The following TICAM2 variants were observed in gnomAD, a reference collection of about 807,000 sequenced individuals.
TICAM2 encodes the protein TIR domain-containing adapter molecule 2.
TICAM2 carries 8 observed loss-of-function variants against 7.3 expected under a neutral mutation model. The observed-to-expected ratio is 1.10, with a 90% CI of 0.65 to 1.99. TICAM2 has a LOEUF of 1.99. Among genes scored for constraint, TICAM2 ranks in the 30% most tolerant of loss-of-function variants. TICAM2 has a pLI of 0.00. For missense variants in TICAM2, 304 were observed against 278.8 expected (o/e 1.09, Z -0.65); for synonymous variants, 113 against 99.6 (o/e 1.13, Z -0.80).
At chr5:115,594,581 T>G (rs1755435238) in intron 1 of TICAM2, among the ~76,000 whole-genome samples, 1 of 152,206 alleles carries the variant, frequency 6.6e-6, no homozygotes, top group Non-Finnish European at 1.5e-5. Context: ...AATGGCAGCT[T>G]GACAAGGTGT....
chr5:115,580,669 C>T lies in TICAM2; in HGVS notation c.588G>A (p.Glu196=), dbSNP rs148838653. ...PFALQTINAL[E]EESRGFPTQV... ...GTGTAGGAAATCCACGACTTTCTTC[C>T]TCTAAGGCATTGATGGTTTGGAGGG... Residue 196 remains glutamate (E), a synonymous_variant, in exon 2 of 2, where the codon GAG becomes GAA. Coordinates refer to ENST00000427199, the MANE Select transcript of TICAM2 (RefSeq NM_021649.7). The T allele has an allele frequency of 2.8e-5, 45 of 1,586,690 alleles. No individual in the cohort carries two copies. The African/African-American group carries it at 5.9e-4, about 21-fold the overall frequency.
chr5:115,600,665 G>A (rs967598208), intron 1 of TICAM2, among the ~76,000 whole-genome samples: 8 of 152,306 alleles, frequency 5.3e-5, no homozygotes, highest in African/African-American at 1.7e-4. Flanking sequence ...TGAGAACTGT[G>A]CACAGACACT....
chr5:115,585,052 G>C (rs1176181564), intron 1 of TICAM2, among the ~76,000 whole-genome samples: 1 of 152,154 alleles, frequency 6.6e-6, no homozygotes, highest in Non-Finnish European at 1.5e-5. Context: ...GAATCAGACT[G>C]CCTGAGTGTA....
intron 1 of TICAM2, among the ~76,000 whole-genome samples, chr5:115,599,287 AG>A (rs1755627085): frequency 6.6e-6 from 1 of 151,798 alleles, no homozygotes; most frequent in South Asian, 2.1e-4. Flanking sequence ...TGGTGGGGGG[AG>A]GGGGGCAAAG....
intron 1 of TICAM2, among the ~76,000 whole-genome samples, chr5:115,594,046 T>A (rs1373034377): frequency 6.6e-6 from 1 of 152,240 alleles, no homozygotes; most frequent in Non-Finnish European, 1.5e-5. Flanking sequence ...TAAAAACAAT[T>A]TTCAAAAATA....
At chr5:115,593,732 T>C (rs2127202522) in intron 1 of TICAM2, among the ~76,000 whole-genome samples, 1 of 152,282 alleles carries the variant, frequency 6.6e-6, no homozygotes, top group South Asian at 2.1e-4. Flanking sequence ...CTTGGAAGAA[T>C]AAGATGGGAG....
rs1325712817 is a variant in TICAM2, at chr5:115,579,346, G to C, written c.*1203C>G. On this transcript the variant is annotated 3_prime_UTR_variant, in exon 2 of 2. Transcript: ENST00000427199. The stretch of plus-strand genomic sequence containing the variant: ...ATCAATTCAACCCTTTCATTTCACA[G>C]ATAAAGGAGGGTAAATAGTTTGCCC... 1.3e-5 allele frequency: 2 copies of C among 152,508 alleles called. No individual in the cohort carries two copies. Among genetic ancestry groups the C allele is most frequent in the Admixed American group, 6.5e-5 (1 of 15,274 alleles). 9.4% of individuals were successfully genotyped at this position (152,508 alleles called of 1,614,324 possible).
At chr5:115,581,383 T>C (rs761281322) in intron 1 of TICAM2, 68 bp from the exon 2 acceptor site, 75 of 1,479,196 alleles carry the variant, frequency 5.1e-5, no homozygotes, top group Non-Finnish European at 6.6e-5. Flanking sequence ...GAAACTTTCA[T>C]TCAAACTGAA....
intron 1 of TICAM2, among the ~76,000 whole-genome samples, chr5:115,597,045 C>G (rs1364010519): frequency 6.6e-6 from 1 of 152,194 alleles, no homozygotes; most frequent in Non-Finnish European, 1.5e-5. Context: ...TGGTGCCACC[C>G]TTGTTATTTA....
intron 1 of TICAM2, among the ~76,000 whole-genome samples, chr5:115,595,947 T>C (rs1416562670): frequency 6.6e-6 from 1 of 152,220 alleles, no homozygotes; most frequent in Non-Finnish European, 1.5e-5. Context: ...TCTCTTATAA[T>C]ATGTATTGCC....
Position 115,580,899 on chromosome 5 carries a change from GT to G in TICAM2, c.357del (p.Arg119SerfsTer7). ...GCATCATCTAAATTCTGTAAATGCT[GT>G]CTGCCACATGGCATCTCAGCAAAGA... ...GIIFAEMPCG[R>X]QHLQNLDDAV... is the part of the protein sequence containing the mutation. On this transcript the variant is annotated frameshift_variant, in exon 2 of 2. Transcript: ENST00000427199. LOFTEE classifies it high-confidence loss of function. 1 of 1,613,760 alleles carries G rather than the reference GT, an allele frequency of 6.2e-7. No homozygotes were observed. The highest frequency in any genetic ancestry group is 8.5e-7 in the Non-Finnish European group (1 of 1,179,734).
chr5:115,600,847 C>T (rs915754057), intron 1 of TICAM2, among the ~76,000 whole-genome samples: 9 of 151,996 alleles, frequency 5.9e-5, no homozygotes, highest in Non-Finnish European at 1.2e-4. Context: ...AGTAGGGGAG[C>T]GGGACCTAGA....
chr5:115,595,210 C>G (rs552101768), intron 1 of TICAM2, among the ~76,000 whole-genome samples: 6 of 152,136 alleles, frequency 3.9e-5, no homozygotes, highest in Non-Finnish European at 5.9e-5. Context: ...ATGGATCAAT[C>G]AATCAATCAA....
chr5:115,599,887 T>C (rs938662382), intron 1 of TICAM2, among the ~76,000 whole-genome samples: 1 of 151,038 alleles, frequency 6.6e-6, no homozygotes, highest in Non-Finnish European at 1.5e-5. Context: ...GTGATTCTGA[T>C]AAGAAGCCAC....
chr5:115,594,148 G>C (rs751982111), intron 1 of TICAM2, among the ~76,000 whole-genome samples: 5 of 152,114 alleles, frequency 3.3e-5, no homozygotes, highest in Non-Finnish European at 7.4e-5. Context: ...TGATTCCTCT[G>C]ACTAAAATGA....
intron 1 of TICAM2, among the ~76,000 whole-genome samples, chr5:115,593,792 G>C (rs1042597100): frequency 1.1e-4 from 16 of 152,184 alleles, no homozygotes; most frequent in African/African-American, 3.6e-4. Context: ...CAACAGTGAA[G>C]ACAAGGTAAT....
Position 115,578,944 on chromosome 5 carries a change from G to A in TICAM2, c.*1605C>T, listed in dbSNP as rs1340716513. 6 of 152,614 alleles carry A rather than the reference G, an allele frequency of 3.9e-5. No individual in the cohort carries two copies. Among genetic ancestry groups the A allele is most frequent in the African/African-American group, 1.4e-4 (6 of 41,438 alleles). The allele number at this position is 152,614 out of a possible 1,614,324, so 9.5% of individuals were successfully genotyped here. On this transcript the variant is annotated 3_prime_UTR_variant, in exon 2 of 2. Coordinates refer to ENST00000427199, the MANE Select transcript of TICAM2 (RefSeq NM_021649.7). ...CTTACTTGCATGCTCCTCATAGAACGTTTTGGTTCATGGCTATGAAGAGGT... is the reference window on the plus strand; with the variant it reads ...CTTACTTGCATGCTCCTCATAGAACATTTTGGTTCATGGCTATGAAGAGGT...
At chr5:115,589,579 T>A (rs1273002807) in intron 1 of TICAM2, among the ~76,000 whole-genome samples, 3 of 152,234 alleles carry the variant, frequency 2.0e-5, no homozygotes, top group African/African-American at 7.2e-5. Context: ...TATTACCTAT[T>A]GGCATTTATT....
chr5:115,580,531 CAT>C lies in TICAM2; in HGVS notation c.*16_*17del, dbSNP rs1207960364. 3 of 1,556,934 alleles carry C rather than the reference CAT, an allele frequency of 1.9e-6. No homozygotes were observed. In the Admixed American group the frequency reaches 6.5e-5, roughly 34 times the overall value. ...TGGTTTACAAAACAAGAGCCAGCCACATGTTATATGTTTCATCTCAGGCAATA... is the reference window on the plus strand; with the variant it reads ...TGGTTTACAAAACAAGAGCCAGCCACGTTATATGTTTCATCTCAGGCAATA... On this transcript the variant is annotated 3_prime_UTR_variant, in exon 2 of 2. Transcript: ENST00000427199.
Sources: gnomAD v4.1 joint callset for allele counts (sites outside exome capture counted in the v4.1 genomes callset) on GRCh38, gnomAD v4.1.1 for gene constraint, MANE v1.5 for transcripts, NCBI Gene and HGNC (gene_info 2026-07-23, HGNC 2026-07-21) for gene names.